The following PKHD1L1 variants were observed in gnomAD, a reference collection of about 807,000 sequenced individuals.
PKHD1L1 encodes the protein fibrocystin-L.
Under a neutral mutation model 462.9 loss-of-function variants are expected in PKHD1L1, and 434 were observed. The observed-to-expected ratio is 0.94, with a 90% confidence interval of 0.87 to 1.02. The LOEUF (loss-of-function observed/expected upper bound fraction) is 1.02, where lower values mean the gene tolerates loss of function less well. Ranked by LOEUF, PKHD1L1 falls within the 50% of genes least tolerant of loss-of-function variation. The pLI is 0.00. For missense variants in PKHD1L1, 5,202 were observed against 5,096.1 expected, an observed-to-expected ratio of 1.02 and a Z score of -0.63; for synonymous variants, 1,781 against 1,750.0, an observed-to-expected ratio of 1.02 and a Z score of -0.44.
At position 109,502,998 on chromosome 8, in the gene PKHD1L1, G is replaced by A. The variant is rs78418603; in HGVS notation, c.10829-1329G>A. Reference sequence around the variant, plus strand: ...TGAGGGAACTCTCAAGTGGCTAAACGCAATTCTTTAGAGAAGACAGCAGCT... The same window carrying A: ...TGAGGGAACTCTCAAGTGGCTAAACACAATTCTTTAGAGAAGACAGCAGCT... On this transcript the variant is annotated intron_variant, in intron 67 of 77. Coordinates refer to ENST00000378402, the MANE Select transcript of PKHD1L1 (RefSeq NM_177531.6). 5.7e-3 allele frequency among the ~76,000 whole-genome samples: 873 copies of A among 152,274 alleles called. 40 individuals carry two copies. In the East Asian group the frequency reaches 0.12, roughly 21 times the overall value.
chr8:109,472,325 A>T (rs1817762982), intron 50 of PKHD1L1, among the ~76,000 whole-genome samples: 1 of 152,154 alleles, frequency 6.6e-6, no homozygotes, highest in South Asian at 2.1e-4. Flanking sequence ...TAAGCTTTCA[A>T]ATCTCTAAGC....
At chr8:109,384,581 A>G (rs1489571571) in intron 5 of PKHD1L1, among the ~76,000 whole-genome samples, 1 of 152,044 alleles carries the variant, frequency 6.6e-6, no homozygotes, top group African/African-American at 2.4e-5. Flanking sequence ...CAATGGCTAT[A>G]TCTTCATCTA....
chr8:109,409,916 G>T lies in PKHD1L1; in HGVS notation c.2023G>T (p.Ala675Ser). 2 of 1,607,328 alleles carry T rather than the reference G, an allele frequency of 1.2e-6. No homozygotes were observed. Among genetic ancestry groups the T allele is most frequent in the Non-Finnish European group, 1.7e-6 (2 of 1,177,448 alleles). The change falls in exon 19 of 78, where the codon GCA becomes TCA. Residue 675 changes from alanine (A) to serine (S), a missense_variant. By Grantham distance (99) the Ala-to-Ser change is moderately conservative (BLOSUM62 1). This residue lies in a region of PKHD1L1 where 4,497 missense variants were observed against 4,336.8 expected (regional missense o/e 1.04). Transcript: ENST00000378402. ...MVSTKCPPQI[A>S]NFEEGFVVKY... ...TAGCACTAAGTGTCCACCACAAATTGCAAATTTTGAAGAAGGATTTGTTGT... is the reference window on the plus strand; with the variant it reads ...TAGCACTAAGTGTCCACCACAAATTTCAAATTTTGAAGAAGGATTTGTTGT...
intron 23 of PKHD1L1, among the ~76,000 whole-genome samples, chr8:109,421,882 GGTAACT>G (rs1469160013): frequency 1.6e-4 from 24 of 152,146 alleles, no homozygotes; most frequent in Middle Eastern, 6.8e-3. Context: ...TAAACTAATT[GGTAACT>G]GTAACCTCTA....
Position 109,531,638 on chromosome 8 carries a change from A to G in PKHD1L1, c.*1548A>G, listed in dbSNP as rs1029741104. On this transcript the variant is annotated 3_prime_UTR_variant, in exon 78 of 78. Coordinates refer to ENST00000378402, the MANE Select transcript of PKHD1L1 (RefSeq NM_177531.6). ...GCCTAGGGGCTACAGAAAAAATTCAAATGAACAGCTGGAATGGAAATAGTC... is the reference window on the plus strand; with the variant it reads ...GCCTAGGGGCTACAGAAAAAATTCAGATGAACAGCTGGAATGGAAATAGTC... Among the ~76,000 whole-genome samples the G allele has an allele frequency of 2.6e-5, 4 of 152,222 alleles. No homozygotes were observed. The highest frequency in any genetic ancestry group is 9.6e-5 in the African/African-American group (4 of 41,466).
intron 77 of PKHD1L1, among the ~76,000 whole-genome samples, chr8:109,529,620 A>G (rs1820977657): frequency 1.3e-5 from 2 of 152,166 alleles, no homozygotes; most frequent in African/African-American, 2.4e-5. Flanking sequence ...AGTAAATCAT[A>G]TAGCTCCTGA....
At chr8:109,530,007 A>G in intron 77 of PKHD1L1, 73 bp from the exon 78 acceptor site, 1 of 930,498 alleles carries the variant, frequency 1.1e-6, no homozygotes. Flanking sequence ...GTTAAAATTA[A>G]TGAAATATAT....
chr8:109,420,202 A>G (rs1449833485), intron 22 of PKHD1L1, among the ~76,000 whole-genome samples: 1 of 152,172 alleles, frequency 6.6e-6, no homozygotes, highest in African/African-American at 2.4e-5. Context: ...CTAACTAACC[A>G]CAGAAGGCTG....
chr8:109,380,242 A>C (rs1271966459), intron 2 of PKHD1L1, among the ~76,000 whole-genome samples: 2 of 151,288 alleles, frequency 1.3e-5, no homozygotes, highest in East Asian at 1.9e-4. Flanking sequence ...ATTAAATCTT[A>C]GTAGAGCTCT....
At position 109,458,735 on chromosome 8, in the gene PKHD1L1, C is replaced by G. The variant is rs546411929; in HGVS notation, c.7005-860C>G. 3.3e-5 allele frequency among the ~76,000 whole-genome samples: 5 copies of G among 152,196 alleles called. No homozygotes were observed. In the South Asian group the frequency reaches 6.2e-4, roughly 19 times the overall value. On this transcript the variant is annotated intron_variant, in intron 46 of 77. Coordinates refer to ENST00000378402, the MANE Select transcript of PKHD1L1 (RefSeq NM_177531.6). ...GGGTAAAAAGAAAATGTTGGGAAAA[C>G]ACAGAGGTAACTCCCTTAGGCTTAC...
At chr8:109,382,648 T>C in intron 4 of PKHD1L1, 77 bp downstream of exon 4, 1 of 1,085,876 alleles carries the variant, frequency 9.2e-7, no homozygotes. Flanking sequence ...TTTTCCTTTT[T>C]AGTTTTATAG....
chr8:109,425,345 A>G (rs1358942682), intron 24 of PKHD1L1, 113 bp downstream of exon 24: 4 of 635,140 alleles, frequency 6.3e-6, no homozygotes, highest in African/African-American at 1.9e-5. Flanking sequence ...ACATACAAAT[A>G]TATTAATTAT....
chr8:109,472,813 A>G (rs1458422383), intron 50 of PKHD1L1, among the ~76,000 whole-genome samples: 1 of 152,184 alleles, frequency 6.6e-6, no homozygotes, highest in African/African-American at 2.4e-5. Context: ...AAAAACAGAA[A>G]AAGATAACTT....
At chr8:109,420,829 A>C (rs1303268997) in intron 23 of PKHD1L1, 139 bp downstream of exon 23, 1 of 644,798 alleles carries the variant, frequency 1.6e-6, no homozygotes, top group Non-Finnish European at 2.3e-6. Flanking sequence ...TTGGAGTATG[A>C]AAATTGACTT....
intron 57 of PKHD1L1, 148 bp downstream of exon 57, chr8:109,483,253 T>C: frequency 1.8e-6 from 1 of 551,270 alleles, no homozygotes; most frequent in Non-Finnish European, 3.0e-6. Context: ...CAAAAATGTA[T>C]CCGATAGGAG....
intron 53 of PKHD1L1, 129 bp downstream of exon 53, chr8:109,477,525 C>T (rs1342910443): frequency 3.7e-6 from 3 of 814,558 alleles, no homozygotes; most frequent in African/African-American, 3.6e-5. Flanking sequence ...AGTACTTTCA[C>T]ATTCACTGCT....
At chr8:109,465,281 T>C (rs1215008451) in intron 49 of PKHD1L1, 36 bp downstream of exon 49, 1 of 1,578,486 alleles carries the variant, frequency 6.3e-7, no homozygotes, top group East Asian at 2.2e-5. Flanking sequence ...AAAAATCCAT[T>C]GGAAATATGT....
In PKHD1L1 at chr8:109,444,911, G is replaced by T. The variant is rs747265225; in HGVS notation, c.5042G>T (p.Gly1681Val). ...GGAATGACAAGCGTGACCATAAAAG[G>T]CTCTGGATTTGCCGTTTCTTCTGCA... Reference protein sequence around the residue: ...TTGMTSVTIKGSGFAVSSAGV... With the variant: ...TTGMTSVTIKVSGFAVSSAGV... Residue 1681 changes from glycine to valine, a missense_variant, in exon 38 of 78, where the codon GGC becomes GTC. By Grantham distance (109) the Gly-to-Val change is moderately radical. This residue lies in a region of PKHD1L1 where 4,497 missense variants were observed against 4,336.8 expected (regional missense o/e 1.04). Transcript: ENST00000378402. 3.7e-6 allele frequency: 6 copies of T among 1,613,986 alleles called. No individual in the cohort carries two copies. Among genetic ancestry groups the T allele is most frequent in the Middle Eastern group, 1.6e-4 (1 of 6,062 alleles).
At chr8:109,447,932 T>C (rs1816244411) in intron 38 of PKHD1L1, among the ~76,000 whole-genome samples, 1 of 152,128 alleles carries the variant, frequency 6.6e-6, no homozygotes, top group African/African-American at 2.4e-5. Flanking sequence ...TAATAAACAT[T>C]GAGATAAATC....
Sources: gnomAD v4.1 joint callset for allele counts (sites outside exome capture counted in the v4.1 genomes callset) on GRCh38, gnomAD v4.1.1 for gene constraint, gnomAD v4.1.1 regional missense constraint, MANE v1.5 for transcripts, NCBI Gene and HGNC (gene_info 2026-07-23, HGNC 2026-07-21) for gene names.